Variants in TMEM131 observed in about 807,000 individuals in gnomAD.
The protein encoded by TMEM131 is transmembrane protein 131.
TMEM131 carries 66 observed loss-of-function variants against 211.6 expected under a neutral mutation model. That is an observed-to-expected ratio of 0.31 (90% CI 0.26 to 0.38). TMEM131 has a LOEUF of 0.38. Ranked by LOEUF, TMEM131 falls within the 10% of genes least tolerant of loss-of-function variation. The pLI, the probability that TMEM131 is intolerant of heterozygous loss-of-function variation, is 1.00. For missense variants in TMEM131, 2,036 were observed against 2,299.3 expected (o/e 0.89, Z 2.34); for synonymous variants, 844 against 841.3 (o/e 1.00, Z -0.06).
chr2:97,850,995 C>T (rs908207806), intron 5 of TMEM131, among the ~76,000 whole-genome samples: 5 of 150,976 alleles, frequency 3.3e-5, no homozygotes, highest in African/African-American at 9.8e-5. Context: ...CTGCCACTAT[C>T]GGAACTGGAC....
chr2:97,893,408 G>C (rs1251605116), intron 3 of TMEM131, among the ~76,000 whole-genome samples: 6 of 152,192 alleles, frequency 3.9e-5, no homozygotes, highest in South Asian at 2.1e-4. Flanking sequence ...TATATACCCA[G>C]TAATGGGATT....
chr2:97,811,567 C>G (rs934098547), intron 17 of TMEM131, among the ~76,000 whole-genome samples: 2 of 152,202 alleles, frequency 1.3e-5, no homozygotes, highest in African/African-American at 4.8e-5. Flanking sequence ...ACCAACCTTT[C>G]AGGCACACTG....
rs116579046 is a variant in TMEM131, at chr2:97,817,132, C to T, written c.1183+1481G>A. Among the ~76,000 whole-genome samples the T allele has an allele frequency of 6.2e-3, 942 of 152,168 alleles. 11 individuals are homozygous for T. Among genetic ancestry groups the T allele is most frequent in the African/African-American group, 0.022 (902 of 41,480 alleles). Reference sequence around the variant, plus strand: ...TTAGAGCCTACGATCTCAGAAGAACCAACACTAATGACATCGCATTTATCT... The same window carrying T: ...TTAGAGCCTACGATCTCAGAAGAACTAACACTAATGACATCGCATTTATCT... On this transcript the variant is annotated intron_variant, in intron 12 of 40. Coordinates refer to ENST00000186436, the MANE Select transcript of TMEM131 (RefSeq NM_015348.2).
chr2:97,937,954 A>T (rs1677520958), intron 1 of TMEM131, among the ~76,000 whole-genome samples: 1 of 152,210 alleles, frequency 6.6e-6, no homozygotes, highest in African/African-American at 2.4e-5. Flanking sequence ...GAGAAATAAA[A>T]TCCTTTACAG....
intron 22 of TMEM131, among the ~76,000 whole-genome samples, chr2:97,803,399 G>A (rs1025750278): frequency 5.9e-5 from 9 of 152,192 alleles, no homozygotes; most frequent in African/African-American, 2.2e-4. Flanking sequence ...GCAGACACAT[G>A]TAAAGTTTTC....
At chr2:97,823,271 GTCCCCT>G (rs1682215977) in intron 11 of TMEM131, among the ~76,000 whole-genome samples, 1 of 152,048 alleles carries the variant, frequency 6.6e-6, no homozygotes, top group Admixed American at 6.5e-5. Context: ...TATCGGTTAT[GTCCCCT>G]TCAAGCTGTA....
chr2:97,863,588 AG>A (rs1674152812), intron 4 of TMEM131, among the ~76,000 whole-genome samples: 1 of 152,244 alleles, frequency 6.6e-6, no homozygotes, highest in African/African-American at 2.4e-5. Context: ...ACATGGGCAA[AG>A]TATCTGAATA....
intron 3 of TMEM131, among the ~76,000 whole-genome samples, chr2:97,899,659 A>G (rs572434848): frequency 2.0e-5 from 3 of 152,282 alleles, no homozygotes; most frequent in African/African-American, 7.2e-5. Context: ...ACCTTGAAGG[A>G]GAATCTGTCA....
chr2:97,770,656 G>T (rs1487360586), intron 33 of TMEM131, among the ~76,000 whole-genome samples: 1 of 152,182 alleles, frequency 6.6e-6, no homozygotes. Context: ...TACAATGTAA[G>T]TCAGTGGAAC....
At chr2:97,972,177 C>A (rs906680725) in intron 1 of TMEM131, among the ~76,000 whole-genome samples, 11 of 152,122 alleles carry the variant, frequency 7.2e-5, no homozygotes, top group African/African-American at 2.7e-4. Flanking sequence ...ATTTCAGAAA[C>A]AGAAACACAA....
intron 4 of TMEM131, among the ~76,000 whole-genome samples, chr2:97,860,068 C>T (rs1674004189): frequency 6.6e-6 from 1 of 152,220 alleles, no homozygotes; most frequent in African/African-American, 2.4e-5. Flanking sequence ...CCTTGGCATC[C>T]ATGCCATGGT....
At chr2:97,972,310 T>C (rs1430058462) in intron 1 of TMEM131, among the ~76,000 whole-genome samples, 3 of 152,032 alleles carry the variant, frequency 2.0e-5, no homozygotes, top group Non-Finnish European at 4.4e-5. Context: ...CTGAACAATG[T>C]TCCAGGCCCA....
intron 22 of TMEM131, among the ~76,000 whole-genome samples, chr2:97,804,347 T>C (rs1444207537): frequency 6.6e-6 from 1 of 152,032 alleles, no homozygotes; most frequent in African/African-American, 2.4e-5. Context: ...CCCTGTGTGC[T>C]CCCGAATAGC....
rs991664718 is a variant in TMEM131, at chr2:97,916,071, G to A, written c.250-7373C>T. ...TGGGACTACAGGCATGTGCCAGCAC[G>A]CCCAGCTAATTTTTTTTAATTTTTA... is the stretch of plus-strand genomic sequence containing the variant. On this transcript the variant is annotated intron_variant, in intron 2 of 40. Coordinates refer to ENST00000186436, the MANE Select transcript of TMEM131 (RefSeq NM_015348.2). Among the ~76,000 whole-genome samples, 7 of 151,910 alleles carry A rather than the reference G, an allele frequency of 4.6e-5. No homozygotes were observed. The East Asian group carries it at 9.7e-4, about 21-fold the overall frequency.
chr2:97,990,518 G>A (rs1296476580), intron 1 of TMEM131, among the ~76,000 whole-genome samples: 1 of 152,140 alleles, frequency 6.6e-6, no homozygotes, highest in African/African-American at 2.4e-5. Flanking sequence ...ATCACGCTGG[G>A]TATATTACTT....
At chr2:97,777,637 T>C (rs183352316) in intron 31 of TMEM131, among the ~76,000 whole-genome samples, 1 of 152,366 alleles carries the variant, frequency 6.6e-6, no homozygotes, top group East Asian at 1.9e-4. Flanking sequence ...TCCAGGAATG[T>C]CATTTCATCA....
intron 1 of TMEM131, among the ~76,000 whole-genome samples, chr2:97,938,673 C>T (rs903780677): frequency 3.3e-5 from 5 of 152,170 alleles, no homozygotes; most frequent in African/African-American, 4.8e-5. Flanking sequence ...CTGCACCAAG[C>T]AGACCTAATA....
intron 3 of TMEM131, among the ~76,000 whole-genome samples, chr2:97,902,094 AT>A (rs1305704050): frequency 6.6e-6 from 1 of 152,124 alleles, no homozygotes; most frequent in Non-Finnish European, 1.5e-5. Flanking sequence ...ATAAAAAAAA[AT>A]TTTAAAGTAG....
At chr2:97,855,791 G>A (rs1673817835) in intron 5 of TMEM131, among the ~76,000 whole-genome samples, 1 of 151,912 alleles carries the variant, frequency 6.6e-6, no homozygotes, top group African/African-American at 2.4e-5. Context: ...TCAATAGACA[G>A]AGACCTATTT....
Sources: allele counts gnomAD v4.1 joint callset (sites outside exome capture counted in the v4.1 genomes callset), GRCh38; gene constraint gnomAD v4.1.1; transcripts MANE v1.5; gene names NCBI Gene and HGNC (gene_info 2026-07-23, HGNC 2026-07-21).